Variants in OSBPL8 observed in about 807,000 individuals in gnomAD.
OSBPL8 encodes the protein oxysterol binding protein like 8.
A neutral mutation model predicts 125.5 loss-of-function variants in OSBPL8; 59 were observed. That is an observed-to-expected ratio of 0.47 (90% CI 0.38 to 0.58). The LOEUF (loss-of-function observed/expected upper bound fraction) is 0.58. Among genes scored for constraint, OSBPL8 ranks in the 20% least tolerant of loss-of-function variants. OSBPL8 has a pLI of 0.00. For synonymous variants in OSBPL8, 330 were observed against 338.9 expected, an observed-to-expected ratio of 0.97 and a Z score of 0.29; for missense variants, 758 against 1,047.8, an observed-to-expected ratio of 0.72 and a Z score of 3.82.
chr12:76,388,836 T>C (rs1017325557), intron 12 of OSBPL8, among the ~76,000 whole-genome samples: 1 of 152,202 alleles, frequency 6.6e-6, no homozygotes, highest in Non-Finnish European at 1.5e-5. Context: ...AGTTTACCAA[T>C]TATTTTTTGA....
Position 76,355,791 on chromosome 12 carries a change from G to A in OSBPL8, c.*98C>T, listed in dbSNP as rs187324650. 3.6e-5 allele frequency: 49 copies of A among 1,357,076 alleles called. No homozygotes were observed. Among genetic ancestry groups the A allele is most frequent in the African/African-American group, 1.9e-4 (13 of 67,320 alleles). 84.1% of individuals were successfully genotyped at this position (1,357,076 alleles called of 1,614,324 possible). A position where few individuals can be genotyped will look rare whatever the true frequency, so the allele number is the denominator to read the frequency against. On this transcript the variant is annotated 3_prime_UTR_variant, in exon 24 of 24. Transcript: ENST00000261183. The stretch of plus-strand genomic sequence containing the variant: ...TTATCTCCTAGGTTTTTTTGTTTTC[G>A]GAATATTGTGATTTTTAATAAAGAC...
intron 11 of OSBPL8, 154 bp from the exon 12 acceptor site, chr12:76,389,983 A>G (rs1953489927): frequency 1.8e-6 from 1 of 554,386 alleles, no homozygotes; most frequent in Non-Finnish European, 2.8e-6. Flanking sequence ...ATCTATAGCT[A>G]TAAAACTTAG....
intron 1 of OSBPL8, chr12:76,537,138 A>G (rs1950521033): frequency 6.6e-6 from 1 of 152,430 alleles, no homozygotes; most frequent in South Asian, 2.1e-4. Context: ...TTCTGAAACT[A>G]TGAAAGCCTT....
At chr12:76,432,491 A>ATTTCT (rs1870959199) in intron 4 of OSBPL8, among the ~76,000 whole-genome samples, 1 of 152,100 alleles carries the variant, frequency 6.6e-6, no homozygotes, top group Admixed American at 6.6e-5. Context: ...TGAAACAGAA[A>ATTTCT]GAGTGCTTGA....
intron 1 of OSBPL8, among the ~76,000 whole-genome samples, chr12:76,501,705 C>G (rs1360349275): frequency 1.3e-5 from 2 of 152,206 alleles, no homozygotes; most frequent in Non-Finnish European, 2.9e-5. Flanking sequence ...GCTGACCTGG[C>G]TAGAGCCACC....
chr12:76,459,489 A>T (rs937961305), intron 3 of OSBPL8, among the ~76,000 whole-genome samples: 5 of 152,220 alleles, frequency 3.3e-5, no homozygotes, highest in African/African-American at 1.2e-4. Flanking sequence ...TTCTGACAAA[A>T]TAAAAGTGTT....
At chr12:76,472,864 G>A (rs1484143256) in intron 2 of OSBPL8, among the ~76,000 whole-genome samples, 1 of 152,160 alleles carries the variant, frequency 6.6e-6, no homozygotes, top group Non-Finnish European at 1.5e-5. Context: ...ATAACTGTGG[G>A]CAGGCCTGAC....
chr12:76,437,779 G>A (rs58116605), intron 4 of OSBPL8, among the ~76,000 whole-genome samples: 221 of 152,152 alleles, frequency 1.5e-3, no homozygotes, highest in African/African-American at 5.2e-3. Context: ...TTTTCCTATC[G>A]TAAACATGGT....
chr12:76,526,090 G>A (rs1207080336), intron 1 of OSBPL8, among the ~76,000 whole-genome samples: 1 of 152,142 alleles, frequency 6.6e-6, no homozygotes, highest in Non-Finnish European at 1.5e-5. Context: ...GTTCATTTGT[G>A]TTGCTTTCCA....
At chr12:76,464,716 C>T (rs1006469706) in intron 2 of OSBPL8, among the ~76,000 whole-genome samples, 23 of 152,232 alleles carry the variant, frequency 1.5e-4, no homozygotes, top group Non-Finnish European at 2.8e-4. Context: ...GATTCCATCC[C>T]TTTGGCACAG....
At chr12:76,531,154 T>C (rs528731218) in intron 1 of OSBPL8, among the ~76,000 whole-genome samples, 30 of 152,246 alleles carry the variant, frequency 2.0e-4, no homozygotes, top group African/African-American at 7.0e-4. Context: ...CTTCTTCACA[T>C]GGTGGCAGGA....
intron 20 of OSBPL8, 71 bp from the exon 21 acceptor site, chr12:76,369,372 A>G: frequency 6.6e-7 from 1 of 1,510,728 alleles, no homozygotes; most frequent in Admixed American, 2.4e-5. Flanking sequence ...TTTCTATTCT[A>G]TGATCCAATT....
At chr12:76,385,508 A>G (rs534513761) in intron 14 of OSBPL8, among the ~76,000 whole-genome samples, 51 of 152,266 alleles carry the variant, frequency 3.3e-4, no homozygotes, top group African/African-American at 1.1e-3. Flanking sequence ...AATATTCTGT[A>G]AAAAGGTAAA....
chr12:76,548,572 G>C (rs1483990828), intron 1 of OSBPL8, among the ~76,000 whole-genome samples: 1 of 152,162 alleles, frequency 6.6e-6, no homozygotes, highest in Admixed American at 6.5e-5. Context: ...CCACTATCTA[G>C]GGAAAGCTAA....
chr12:76,431,208 A>G (rs963938927), intron 4 of OSBPL8, among the ~76,000 whole-genome samples: 5 of 152,004 alleles, frequency 3.3e-5, no homozygotes, highest in African/African-American at 4.8e-5. Flanking sequence ...AAAATGTTTT[A>G]TGTGAATACC....
At chr12:76,466,269 A>T (rs1875422935) in intron 2 of OSBPL8, among the ~76,000 whole-genome samples, 1 of 152,188 alleles carries the variant, frequency 6.6e-6, no homozygotes. Flanking sequence ...ACTTATTTAC[A>T]TTTTGAAAAA....
intron 7 of OSBPL8, among the ~76,000 whole-genome samples, chr12:76,398,534 T>C (rs528401725): frequency 6.6e-5 from 10 of 152,220 alleles, no homozygotes; most frequent in African/African-American, 1.2e-4. Flanking sequence ...GCTATGTCAA[T>C]AGTAAGTCTA....
intron 2 of OSBPL8, among the ~76,000 whole-genome samples, chr12:76,471,595 T>C (rs546166969): frequency 9.2e-5 from 14 of 152,314 alleles, no homozygotes; most frequent in African/African-American, 3.1e-4. Context: ...ACCGATATCA[T>C]AGAGAGCCTT....
intron 17 of OSBPL8, 150 bp from the exon 18 acceptor site, chr12:76,373,583 G>C (rs957933841): frequency 4.3e-6 from 2 of 467,578 alleles, no homozygotes; most frequent in Non-Finnish European, 7.5e-6. Context: ...TCAAATTTTA[G>C]TTAGAAATGT....
Sources: allele counts gnomAD v4.1 joint callset (sites outside exome capture counted in the v4.1 genomes callset), GRCh38; gene constraint gnomAD v4.1.1; transcripts MANE v1.5; gene names NCBI Gene and HGNC (gene_info 2026-07-23, HGNC 2026-07-21).